The following ZMYM2 variants were observed in gnomAD, a reference collection of about 807,000 sequenced individuals.
ZMYM2 encodes zinc finger MYM-type containing 2, also known as zinc finger MYM-type protein 2.
ZMYM2 carries 56 observed loss-of-function variants against 162.8 expected under a neutral mutation model. That is an observed-to-expected ratio of 0.34 (90% CI 0.28 to 0.43). ZMYM2 has a LOEUF of 0.43. Ranked by LOEUF, ZMYM2 falls within the 20% of genes least tolerant of loss-of-function variation. The probability of loss-of-function intolerance (pLI) is 1.00; values close to 1 mark genes in which losing one functional copy is unlikely to be tolerated. For synonymous variants in ZMYM2, 510 were observed against 541.6 expected, an observed-to-expected ratio of 0.94 and a Z score of 0.81; for missense variants, 1,275 against 1,621.8, an observed-to-expected ratio of 0.79 and a Z score of 3.67.
the ZMYM2 span, among the ~76,000 whole-genome samples, chr13:19,893,861 A>G: frequency 1.3e-5 from 2 of 151,944 alleles, no homozygotes; most frequent in Non-Finnish European, 2.9e-5. Flanking sequence ...AGGTCTTGCT[A>G]TGCTGCCTAC....
rs1411999321 is a variant in ZMYM2, at chr13:19,987,636, T to TGTGC, written c.-10-5424_-10-5423insCGTG. 2.7e-5 allele frequency among the ~76,000 whole-genome samples: 4 copies of TGTGC among 148,886 alleles called. No homozygotes were observed. The East Asian group carries it at 7.8e-4, about 29-fold the overall frequency. ...GGGTTTTGTCGTGTGTGTGTGTGTG[T>TGTGC]GTGTGTGTGTGTGTGTGTGTGTATA... is the stretch of plus-strand genomic sequence containing the variant. On this transcript the variant is annotated intron_variant, in intron 2 of 24. Coordinates refer to ENST00000610343, the MANE Select transcript of ZMYM2 (RefSeq NM_197968.4).
At chr13:19,881,095 G>C in the ZMYM2 span, among the ~76,000 whole-genome samples, 1 of 151,392 alleles carries the variant, frequency 6.6e-6, no homozygotes. Flanking sequence ...CACCATGTTG[G>C]TCAGGCTGGT....
intron 2 of ZMYM2, among the ~76,000 whole-genome samples, chr13:19,961,030 C>G (rs531573128): frequency 6.6e-6 from 1 of 151,950 alleles, no homozygotes; most frequent in East Asian, 1.9e-4. Context: ...GTCCAGGACA[C>G]TTTCCTTTAA....
At chr13:20,016,850 T>G (rs1253966420) in intron 6 of ZMYM2, among the ~76,000 whole-genome samples, 3 of 152,244 alleles carry the variant, frequency 2.0e-5, no homozygotes, top group African/African-American at 7.2e-5. Context: ...TTGTTGTGTT[T>G]ATTAGATTTG....
At chr13:19,933,558 T>C in the ZMYM2 span, among the ~76,000 whole-genome samples, 3 of 152,304 alleles carry the variant, frequency 2.0e-5, no homozygotes, top group East Asian at 5.8e-4. Context: ...GAGATTGGCA[T>C]GCAGAAAATT....
At position 20,059,458 on chromosome 13, in the gene ZMYM2, A is replaced by G. The variant is rs750622821; in HGVS notation, c.2635A>G (p.Arg879Gly). ...TTTTGTGTTTTTAGATGATACTTGG[A>G]GGACAGAATATGTTCCAGTGCCTAT... is the stretch of plus-strand genomic sequence containing the variant. Reference protein sequence around the residue: ...TKSCQTDDTWRTEYVPVPIPV... With the variant: ...TKSCQTDDTWGTEYVPVPIPV... Residue 879 changes from arginine (R) to glycine (G), a missense_variant, in exon 16 of 25, where the codon AGG becomes GGG. By Grantham distance (125) the Arg-to-Gly change is moderately radical. Coordinates refer to ENST00000610343, the MANE Select transcript of ZMYM2 (RefSeq NM_197968.4). 5 of 1,612,608 alleles carry G rather than the reference A, an allele frequency of 3.1e-6. No individual in the cohort carries two copies. The South Asian group carries it at 5.5e-5, about 18-fold the overall frequency.
the ZMYM2 span, among the ~76,000 whole-genome samples, chr13:19,903,280 G>C: frequency 6.6e-6 from 1 of 151,976 alleles, no homozygotes; most frequent in African/African-American, 2.4e-5. Flanking sequence ...AGTGAGCCAT[G>C]ATTGCAACAC....
At chr13:19,991,048 CTG>C (rs71198947) in intron 2 of ZMYM2, among the ~76,000 whole-genome samples, 166 of 141,304 alleles carry the variant, frequency 1.2e-3, no homozygotes, top group African/African-American at 3.6e-3. Flanking sequence ...AATTTTCTCT[CTG>C]TGTGTGTGTG....
At chr13:20,051,375 C>T in intron 12 of ZMYM2, 58 bp from the exon 13 acceptor site, 1 of 1,545,742 alleles carries the variant, frequency 6.5e-7, no homozygotes, top group East Asian at 2.4e-5. Flanking sequence ...CACTGATAAA[C>T]TTCTGGAAAT....
the ZMYM2 span, among the ~76,000 whole-genome samples, chr13:19,887,545 A>G: frequency 1.3e-5 from 2 of 151,296 alleles, no homozygotes; most frequent in Non-Finnish European, 2.9e-5. Flanking sequence ...AAAAAATACA[A>G]TATAATATAT....
chr13:20,077,773 C>T (rs912855012), intron 21 of ZMYM2, among the ~76,000 whole-genome samples: 4 of 151,918 alleles, frequency 2.6e-5, no homozygotes, highest in African/African-American at 9.7e-5. Context: ...ACCACAAAGG[C>T]CTCTATTCCT....
At chr13:19,871,775 A>G in the ZMYM2 span, among the ~76,000 whole-genome samples, 10 of 152,324 alleles carry the variant, frequency 6.6e-5, no homozygotes, top group African/African-American at 2.4e-4. Flanking sequence ...AAACATTTAC[A>G]CAAACTGAAT....
the ZMYM2 span, among the ~76,000 whole-genome samples, chr13:19,935,867 C>T: frequency 2.0e-5 from 3 of 152,142 alleles, no homozygotes; most frequent in Non-Finnish European, 4.4e-5. Flanking sequence ...TAAATAATGA[C>T]TCTCTTAGAG....
chr13:20,062,840 T>C lies in ZMYM2; in HGVS notation c.2912-6T>C. On this transcript the variant is annotated splice_polypyrimidine_tract_variant and splice_region_variant and intron_variant, in intron 17 of 24. Transcript: ENST00000610343. ...GATTCCTAATGATAATATGGATTGA[T>C]TTCAGGTGTAATTATTGAAACAGAT... The C allele has an allele frequency of 6.4e-7, 1 of 1,561,786 alleles. No homozygotes were observed. The highest frequency in any genetic ancestry group is 8.7e-7 in the Non-Finnish European group (1 of 1,151,836).
the ZMYM2 span, among the ~76,000 whole-genome samples, chr13:19,928,441 A>G: frequency 6.6e-6 from 1 of 152,168 alleles, no homozygotes; most frequent in Admixed American, 6.5e-5. Context: ...AAAAAAAAGA[A>G]ACTAATAGAG....
At chr13:20,064,860 A>G (rs1323622594) in intron 19 of ZMYM2, among the ~76,000 whole-genome samples, 1 of 152,052 alleles carries the variant, frequency 6.6e-6, no homozygotes, top group African/African-American at 2.4e-5. Context: ...TGATACCTCA[A>G]CTAAACTTGT....
chr13:20,083,049 C>CTATTTT lies in ZMYM2; in HGVS notation c.3820+32_3820+37dup. Reference sequence around the variant, plus strand: ...ATAATGAAGGTAGTGTAACAGATTTCTATTTTTATTTTTATTTTTAAATTT... The same window carrying CTATTTT: ...ATAATGAAGGTAGTGTAACAGATTTCTATTTTTATTTTTATTTTTATTTTTAAATTT... On this transcript the variant is annotated intron_variant, in intron 23 of 24. Transcript: ENST00000610343. The CTATTTT allele has an allele frequency of 6.5e-7, 1 of 1,536,910 alleles. No homozygotes were observed. Among genetic ancestry groups the CTATTTT allele is most frequent in the Non-Finnish European group, 8.7e-7 (1 of 1,146,472 alleles).
intron 2 of ZMYM2, among the ~76,000 whole-genome samples, chr13:19,969,789 A>G (rs369711591): frequency 1.3e-5 from 2 of 151,834 alleles, no homozygotes; most frequent in South Asian, 2.1e-4. Context: ...CTGATACTCT[A>G]TGCTCTGTAT....
At chr13:19,974,075 A>G (rs1956570980) in intron 2 of ZMYM2, among the ~76,000 whole-genome samples, 2 of 152,214 alleles carry the variant, frequency 1.3e-5, no homozygotes, top group Non-Finnish European at 2.9e-5. Context: ...AATCTCTTAA[A>G]TTCAGTGAAA....
Sources: allele counts gnomAD v4.1 joint callset (sites outside exome capture counted in the v4.1 genomes callset), GRCh38; gene constraint gnomAD v4.1.1; transcripts MANE v1.5; gene names NCBI Gene and HGNC (gene_info 2026-07-23, HGNC 2026-07-21).